The following FAT3 variants were observed in gnomAD, a reference collection of about 807,000 sequenced individuals.
FAT3 encodes protocadherin Fat 3.
A neutral mutation model predicts 310.2 loss-of-function variants in FAT3; 95 were observed. The ratio of observed to expected loss-of-function variants is 0.31; its 90% confidence interval spans 0.26 to 0.36. The LOEUF (loss-of-function observed/expected upper bound fraction) is 0.36. Ranked by LOEUF, FAT3 falls within the 10% of genes least tolerant of loss-of-function variation. The pLI, the probability that FAT3 is intolerant of heterozygous loss-of-function variation, is 1.00. For synonymous variants in FAT3, 2,314 were observed against 2,192.9 expected, an observed-to-expected ratio of 1.06 and a Z score of -1.54; for missense variants, 5,408 against 5,715.6, an observed-to-expected ratio of 0.95 and a Z score of 1.74.
intron 2 of FAT3, among the ~76,000 whole-genome samples, chr11:92,398,681 C>A (rs1282339273): frequency 1.3e-5 from 2 of 152,134 alleles, no homozygotes; most frequent in East Asian, 3.9e-4. Context: ...AGGGCTCCAA[C>A]CTATTGTGTT....
intron 3 of FAT3, among the ~76,000 whole-genome samples, chr11:92,640,553 C>T (rs1316037121): frequency 1.3e-5 from 2 of 152,084 alleles, no homozygotes; most frequent in East Asian, 1.9e-4. Context: ...TAAATGCATA[C>T]ACATAAAAGT....
At chr11:92,494,118 A>AGAGT (rs1375175824) in intron 2 of FAT3, among the ~76,000 whole-genome samples, 2 of 151,242 alleles carry the variant, frequency 1.3e-5, no homozygotes, top group Admixed American at 6.6e-5. Flanking sequence ...CAGGAGAGAG[A>AGAGT]GAGTGAGTGC....
rs1948371765 is a variant in FAT3, at chr11:92,835,098, G to A, written c.10086+14G>A. ...TCTGTCATTTTGGTAGGTACCTGGG[G>A]TTGGGGATGGTTCTAGATGTTTGGG... On this transcript the variant is annotated intron_variant, in intron 15 of 27. Transcript: ENST00000525166. 6.2e-7 allele frequency: 1 copy of A among 1,605,364 alleles called. No homozygotes were observed. Among genetic ancestry groups the A allele is most frequent in the African/African-American group, 1.3e-5 (1 of 74,766 alleles).
intron 3 of FAT3, among the ~76,000 whole-genome samples, chr11:92,692,479 T>C (rs1943824299): frequency 1.3e-5 from 2 of 152,212 alleles, no homozygotes; most frequent in Admixed American, 1.3e-4. Context: ...AGTAGTATTT[T>C]ATTCAAAAAA....
At chr11:92,431,909 G>A (rs1044144782) in intron 2 of FAT3, among the ~76,000 whole-genome samples, 1 of 152,132 alleles carries the variant, frequency 6.6e-6, no homozygotes, top group African/African-American at 2.4e-5. Context: ...TGGCCTTGTA[G>A]TATAGTTTGA....
intron 4 of FAT3, among the ~76,000 whole-genome samples, chr11:92,699,892 T>G (rs1944046564): frequency 6.6e-6 from 1 of 152,128 alleles, no homozygotes; most frequent in Non-Finnish European, 1.5e-5. Context: ...TGACATAATA[T>G]CAGAAGCTTT....
intron 19 of FAT3, among the ~76,000 whole-genome samples, chr11:92,855,758 G>A (rs559601491): frequency 1.1e-4 from 16 of 152,206 alleles, no homozygotes; most frequent in African/African-American, 2.2e-4. Flanking sequence ...AGTTAAAAAC[G>A]CCTTCATCTT....
chr11:92,243,119 T>G (rs1864734289), intron 1 of FAT3, among the ~76,000 whole-genome samples: 1 of 152,034 alleles, frequency 6.6e-6, no homozygotes. Flanking sequence ...ATTGAATTTG[T>G]AGATTATCCT....
At chr11:92,294,395 T>C (rs1195290070) in intron 1 of FAT3, among the ~76,000 whole-genome samples, 1 of 152,074 alleles carries the variant, frequency 6.6e-6, no homozygotes, top group African/African-American at 2.4e-5. Context: ...ATTCAGTCCA[T>C]ACCACTTGTC....
chr11:92,286,424 G>A (rs534031190), intron 1 of FAT3, among the ~76,000 whole-genome samples: 27 of 152,208 alleles, frequency 1.8e-4, no homozygotes, highest in African/African-American at 6.3e-4. Context: ...TTATATGCAC[G>A]GAGGGAATGA....
chr11:92,243,356 C>A (rs186617287), intron 1 of FAT3, among the ~76,000 whole-genome samples: 2 of 151,694 alleles, frequency 1.3e-5, no homozygotes, highest in Non-Finnish European at 2.9e-5. Context: ...GTGCAGGCGT[C>A]GGTGAATTAT....
chr11:92,824,361 AAAAG>A (rs767151096), intron 13 of FAT3, among the ~76,000 whole-genome samples: 89 of 152,300 alleles, frequency 5.8e-4, no homozygotes, highest in Non-Finnish European at 1.0e-3. Context: ...TGTCTCAAAA[AAAAG>A]AAAGAAAGAA....
chr11:92,645,129 G>A (rs1942102198), intron 3 of FAT3, among the ~76,000 whole-genome samples: 1 of 152,164 alleles, frequency 6.6e-6, no homozygotes, highest in East Asian at 1.9e-4. Flanking sequence ...CTTAAAATGT[G>A]CGAATACCAA....
chr11:92,615,359 G>A lies in FAT3; in HGVS notation c.3608-82025G>A, dbSNP rs199948998. ...CCTCCTGGGTTCAAGCAATTCTCCC[G>A]CCTCAGCCTCCCAAGTAGCTGGGGT... On this transcript the variant is annotated intron_variant, in intron 3 of 27. Transcript: ENST00000525166. 1.1e-4 allele frequency among the ~76,000 whole-genome samples: 16 copies of A among 152,138 alleles called. No homozygotes were observed. The East Asian group carries it at 1.7e-3, about 17-fold the overall frequency.
intron 3 of FAT3, among the ~76,000 whole-genome samples, chr11:92,544,444 A>T (rs911819583): frequency 7.9e-5 from 12 of 152,180 alleles, no homozygotes; most frequent in Admixed American, 1.3e-4. Flanking sequence ...GATTATATGA[A>T]TGCTTCAAAT....
At chr11:92,814,162 A>AAAT (rs1380849869) in intron 13 of FAT3, among the ~76,000 whole-genome samples, 4 of 152,204 alleles carry the variant, frequency 2.6e-5, no homozygotes, top group Admixed American at 6.5e-5. Flanking sequence ...TGTTGTTTAT[A>AAAT]AATTACGAAG....
intron 1 of FAT3, among the ~76,000 whole-genome samples, chr11:92,268,878 T>G (rs1188936063): frequency 6.6e-6 from 1 of 152,188 alleles, no homozygotes; most frequent in Non-Finnish European, 1.5e-5. Flanking sequence ...AGAAACATTT[T>G]CAAGGGAGAT....
In FAT3 at chr11:92,843,829, A is replaced by G. The variant is rs907242373; in HGVS notation, c.10567-105A>G. ...CAGAATAGTGGCAAGGAATGAAGGA[A>G]GAAGCAAACGTAAAGGTACAGACGT... On this transcript the variant is annotated intron_variant, in intron 18 of 27. Transcript: ENST00000525166. The G allele has an allele frequency of 2.4e-5, 26 of 1,086,930 alleles. 1 individual carries two copies. Among genetic ancestry groups the G allele is most frequent in the African/African-American group, 2.1e-4 (13 of 63,242 alleles). The allele number at this position is 1,086,930 out of a possible 1,614,324, so 67.3% of individuals were successfully genotyped here.
At chr11:92,561,782 C>T (rs1294642159) in intron 3 of FAT3, among the ~76,000 whole-genome samples, 1 of 151,904 alleles carries the variant, frequency 6.6e-6, no homozygotes, top group Non-Finnish European at 1.5e-5. Context: ...TGCACCACCA[C>T]ACCCAGCTAA....
Sources: gnomAD v4.1 joint callset for allele counts (sites outside exome capture counted in the v4.1 genomes callset) on GRCh38, gnomAD v4.1.1 for gene constraint, MANE v1.5 for transcripts, NCBI Gene and HGNC (gene_info 2026-07-23, HGNC 2026-07-21) for gene names.